Variants in SLC22A24 observed in about 807,000 individuals in gnomAD.
SLC22A24 encodes solute carrier family 22 member 24, also known as steroid transmembrane transporter SLC22A24.
A neutral mutation model predicts 49.8 loss-of-function variants in SLC22A24; 53 were observed. The ratio of observed to expected loss-of-function variants is 1.06; its 90% CI spans 0.85 to 1.34. The LOEUF (loss-of-function observed/expected upper bound fraction) is 1.34, where lower values mean the gene tolerates loss of function less well. Among genes scored for constraint, SLC22A24 ranks in the 40% most tolerant of loss-of-function variants. The pLI, the probability that SLC22A24 is intolerant of heterozygous loss-of-function variation, is 0.00. For missense variants in SLC22A24, 786 were observed against 675.9 expected (o/e 1.16, Z -1.81); for synonymous variants, 302 against 256.4 (o/e 1.18, Z -1.70).
intron 4 of SLC22A24, among the ~76,000 whole-genome samples, chr11:63,118,103 C>G (rs1264349162): frequency 6.6e-6 from 1 of 152,118 alleles, no homozygotes; most frequent in East Asian, 1.9e-4. Context: ...AGACAGCCTT[C>G]CAAATAGGGT....
chr11:63,084,650 A>T (rs1380575531), intron 6 of SLC22A24, among the ~76,000 whole-genome samples: 1 of 152,184 alleles, frequency 6.6e-6, no homozygotes, highest in Admixed American at 6.6e-5. Flanking sequence ...CCCAGCATCC[A>T]ACAGTTACCA....
At chr11:63,120,305 G>A (rs1200697025) in intron 2 of SLC22A24, among the ~76,000 whole-genome samples, 1 of 117,872 alleles carries the variant, frequency 8.5e-6, no homozygotes, top group Non-Finnish European at 1.7e-5. Context: ...GACTGTTGTG[G>A]GGTGGGGGGA....
At chr11:63,098,475 T>C (rs1416774202) in intron 5 of SLC22A24, among the ~76,000 whole-genome samples, 1 of 151,980 alleles carries the variant, frequency 6.6e-6, no homozygotes, top group Non-Finnish European at 1.5e-5. Context: ...TAAGAGCAGC[T>C]TGGCCAACAT....
chr11:63,122,569 C>T (rs776001058), intron 2 of SLC22A24, among the ~76,000 whole-genome samples: 44 of 152,132 alleles, frequency 2.9e-4, no homozygotes, highest in Admixed American at 1.4e-3. Flanking sequence ...GGCTGGAGTG[C>T]GGTGGTGCCA....
intron 5 of SLC22A24, 33 bp from the exon 6 acceptor site, chr11:63,096,139 G>T: frequency 7.3e-7 from 1 of 1,372,090 alleles, no homozygotes; most frequent in Non-Finnish European, 1.0e-6. Flanking sequence ...AAGCATTTGT[G>T]AGATGTCAAT....
intron 5 of SLC22A24, among the ~76,000 whole-genome samples, chr11:63,099,120 CAA>C (rs1210801593): frequency 6.6e-6 from 1 of 152,070 alleles, no homozygotes; most frequent in African/African-American, 2.4e-5. Flanking sequence ...AGCCACAATA[CAA>C]AGTCTCCCAG....
chr11:63,114,827 G>A (rs2087200088), intron 4 of SLC22A24, among the ~76,000 whole-genome samples: 1 of 152,198 alleles, frequency 6.6e-6, no homozygotes, highest in Non-Finnish European at 1.5e-5. Flanking sequence ...TCAGCTGCAG[G>A]TCTGTTGGAG....
At chr11:63,113,177 C>CAT (rs1175957263) in intron 4 of SLC22A24, among the ~76,000 whole-genome samples, 1 of 4,784 alleles carries the variant, frequency 2.1e-4, no homozygotes, top group African/African-American at 3.5e-4. Flanking sequence ...CATATATATA[C>CAT]ATATATATAT....
intron 6 of SLC22A24, among the ~76,000 whole-genome samples, chr11:63,084,073 A>G (rs980310930): frequency 6.6e-6 from 1 of 152,190 alleles, no homozygotes; most frequent in Non-Finnish European, 1.5e-5. Context: ...CCTTCTTACC[A>G]TATCAACCAC....
At chr11:63,116,930 A>G (rs369934552) in intron 4 of SLC22A24, among the ~76,000 whole-genome samples, 110 of 151,928 alleles carry the variant, frequency 7.2e-4, no homozygotes, top group African/African-American at 2.4e-3. Flanking sequence ...CCTTTTAAAC[A>G]TTTCCATCTT....
Position 63,144,044 on chromosome 11 carries a change from T to C in SLC22A24, c.-265A>G, listed in dbSNP as rs1344844702. 5 of 302,674 alleles carry C rather than the reference T, an allele frequency of 1.7e-5. No homozygotes were observed. The highest frequency in any genetic ancestry group is 8.6e-5 in the African/African-American group (4 of 46,522). The allele number at this position is 302,674 out of a possible 1,614,324, so 18.7% of individuals were successfully genotyped here. A position where few individuals can be genotyped will look rare whatever the true frequency, so the allele number is the denominator to read the frequency against. On this transcript the variant is annotated 5_prime_UTR_variant, in exon 1 of 10. Transcript: ENST00000612278. ...TATTTGGCAAAGAGACTGCTAGCTGTTGACAACTGAATCTTCTTAAAAGAC... is the reference window on the plus strand; with the variant it reads ...TATTTGGCAAAGAGACTGCTAGCTGCTGACAACTGAATCTTCTTAAAAGAC...
chr11:63,110,234 TGTTTTGGTTACTGTA>T (rs2087153026), intron 4 of SLC22A24, among the ~76,000 whole-genome samples: 1 of 152,060 alleles, frequency 6.6e-6, no homozygotes, highest in Non-Finnish European at 1.5e-5. Context: ...AGTACCATGC[TGTTTTGGTTACTGTA>T]GTCTTGTAGT....
In SLC22A24 at chr11:63,104,277, C is replaced by G; in HGVS notation, c.852G>C (p.Arg284=). Reference sequence around the variant, plus strand: ...CTAGCTGATTGTTGATAATCAGCCACCGAGCAGACTCCACCATCTTCCTGA... The same window carrying G: ...CTAGCTGATTGTTGATAATCAGCCAGCGAGCAGACTCCACCATCTTCCTGA... ...LSSWKMVESA[R]WLIINNQLDE... Residue 284 remains arginine, a synonymous_variant, in exon 5 of 10, where the codon CGG becomes CGC. Coordinates refer to ENST00000612278, the MANE Select transcript of SLC22A24 (RefSeq NM_001136506.2). 6.5e-7 allele frequency: 1 copy of G among 1,550,222 alleles called. No homozygotes were observed. Among genetic ancestry groups the G allele is most frequent in the Non-Finnish European group, 8.7e-7 (1 of 1,146,748 alleles).
At chr11:63,097,214 CTTAAACAAAT>C (rs1286043718) in intron 5 of SLC22A24, among the ~76,000 whole-genome samples, 1 of 121,086 alleles carries the variant, frequency 8.3e-6, no homozygotes, top group African/African-American at 2.9e-5. Flanking sequence ...CTACAAGGAA[CTTAAACAAAT>C]TTACAAGAAA....
At chr11:63,084,806 A>G (rs2086978454) in intron 6 of SLC22A24, among the ~76,000 whole-genome samples, 1 of 152,152 alleles carries the variant, frequency 6.6e-6, no homozygotes, top group Non-Finnish European at 1.5e-5. Context: ...TACCATATCA[A>G]CCACCAAAGT....
intron 2 of SLC22A24, among the ~76,000 whole-genome samples, chr11:63,124,258 A>C (rs114773177): frequency 2.0e-3 from 309 of 152,290 alleles, no homozygotes; most frequent in African/African-American, 7.2e-3. Flanking sequence ...CTTAGATTTT[A>C]TTCTAAGTGC....
intron 4 of SLC22A24, among the ~76,000 whole-genome samples, chr11:63,112,648 T>G (rs2087174533): frequency 6.6e-6 from 1 of 152,146 alleles, no homozygotes; most frequent in African/African-American, 2.4e-5. Flanking sequence ...TTTCTTGCCT[T>G]CTGCTAGATT....
chr11:63,127,214 T>C (rs1475114488), intron 2 of SLC22A24, among the ~76,000 whole-genome samples: 1 of 152,112 alleles, frequency 6.6e-6, no homozygotes, highest in Non-Finnish European at 1.5e-5. Context: ...CACCTATAAG[T>C]GAGAACATGT....
chr11:63,093,200 A>T (rs1287746409), intron 6 of SLC22A24, among the ~76,000 whole-genome samples: 1 of 152,216 alleles, frequency 6.6e-6, no homozygotes. Context: ...CAGATGCTGG[A>T]GAGGCTGTGG....
Sources: gnomAD v4.1 joint callset for allele counts (sites outside exome capture counted in the v4.1 genomes callset) on GRCh38, gnomAD v4.1.1 for gene constraint, MANE v1.5 for transcripts, NCBI Gene and HGNC (gene_info 2026-07-23, HGNC 2026-07-21) for gene names.